The following CLGN variants were observed in gnomAD, a reference collection of about 807,000 sequenced individuals.
The protein encoded by CLGN is testis tissue sperm-binding protein Li 79P.
Under a neutral mutation model 79.1 loss-of-function variants are expected in CLGN, and 62 were observed. The observed-to-expected ratio is 0.78, with a 90% CI of 0.64 to 0.97. CLGN has a LOEUF of 0.97. Among genes scored for constraint, CLGN ranks in the 50% least tolerant of loss-of-function variants. CLGN has a pLI of 0.00. For missense variants in CLGN, 647 were observed against 715.5 expected, an observed-to-expected ratio of 0.90 and a Z score of 1.09; for synonymous variants, 225 against 224.7, an observed-to-expected ratio of 1.00 and a Z score of -0.01.
At chr4:140,411,130 C>G (rs549072855) in intron 2 of CLGN, among the ~76,000 whole-genome samples, 1 of 152,062 alleles carries the variant, frequency 6.6e-6, no homozygotes, top group African/African-American at 2.4e-5. Flanking sequence ...GTTTCAAGTG[C>G]CTTTGAAGTG....
intron 5 of CLGN, among the ~76,000 whole-genome samples, chr4:140,403,102 A>T: frequency 6.6e-6 from 1 of 152,178 alleles, no homozygotes; most frequent in African/African-American, 2.4e-5. Flanking sequence ...GAAAGGGGTG[A>T]TTTTCTCCTA....
intron 5 of CLGN, among the ~76,000 whole-genome samples, chr4:140,405,583 T>A (rs1463939116): frequency 6.6e-6 from 1 of 152,232 alleles, no homozygotes; most frequent in Admixed American, 6.5e-5. Context: ...ATATATCACA[T>A]AATTTTTAAA....
At chr4:140,403,239 G>A (rs1244476497) in intron 5 of CLGN, among the ~76,000 whole-genome samples, 5 of 152,022 alleles carry the variant, frequency 3.3e-5, no homozygotes, top group Non-Finnish European at 7.4e-5. Flanking sequence ...CTTGGGTAAC[G>A]GCAAGTCATT....
intron 12 of CLGN, 63 bp downstream of exon 12, chr4:140,392,523 A>T: frequency 6.5e-7 from 1 of 1,529,336 alleles, no homozygotes. Context: ...CGCTTAATTT[A>T]TAGAACTCTT....
chr4:140,389,198 G>A lies in CLGN; in HGVS notation c.*26C>T, dbSNP rs777899259. The A allele has an allele frequency of 7.1e-5, 113 of 1,587,644 alleles. No homozygotes were observed. Among genetic ancestry groups the A allele is most frequent in the South Asian group, 2.8e-4 (25 of 90,324 alleles). Reference sequence around the variant, plus strand: ...TTTTACAATGCCAAACATCCCTCTCGGGAATTAAAAATATTTCAATCTAGT... The same window carrying A: ...TTTTACAATGCCAAACATCCCTCTCAGGAATTAAAAATATTTCAATCTAGT... On this transcript the variant is annotated 3_prime_UTR_variant, in exon 15 of 15. Transcript: ENST00000325617.
chr4:140,422,824 G>A lies in CLGN; in HGVS notation c.-10+4713C>T, dbSNP rs146771281. 9.2e-5 allele frequency among the ~76,000 whole-genome samples: 14 copies of A among 152,064 alleles called. No individual in the cohort carries two copies. In the East Asian group the frequency reaches 1.2e-3, roughly 13 times the overall value. ...GTAGAGATGGTTTTTGCCATGTTGC[G>A]CAGGCTGGTCTTAAACTCCTAGACT... is the stretch of plus-strand genomic sequence containing the variant. On this transcript the variant is annotated intron_variant, in intron 1 of 14. Transcript: ENST00000325617.
intron 5 of CLGN, among the ~76,000 whole-genome samples, chr4:140,405,166 TTTTTTTATTTTTA>T (rs1206955497): frequency 1.2e-5 from 1 of 80,648 alleles, no homozygotes; most frequent in African/African-American, 3.5e-5. Flanking sequence ...AACAAGTAAT[TTTTTTTATTTTTA>T]TTTTTTTTTT....
At chr4:140,420,376 A>G (rs537124005) in intron 1 of CLGN, among the ~76,000 whole-genome samples, 2 of 152,140 alleles carry the variant, frequency 1.3e-5, no homozygotes, top group African/African-American at 2.4e-5. Flanking sequence ...TTAAAATTCT[A>G]TGATCTTATA....
chr4:140,423,768 A>C (rs2126636223), intron 1 of CLGN, among the ~76,000 whole-genome samples: 1 of 152,270 alleles, frequency 6.6e-6, no homozygotes, highest in East Asian at 1.9e-4. Flanking sequence ...TGTGTTTCTA[A>C]GAATGTATCC....
In CLGN at chr4:140,400,550, CT is replaced by C. The variant is rs1252716010; in HGVS notation, c.502-2del. 2 of 1,575,346 alleles carry C rather than the reference CT, an allele frequency of 1.3e-6. No individual in the cohort carries two copies. The highest frequency in any genetic ancestry group is 1.8e-5 in the Admixed American group (1 of 56,224). Reference sequence around the variant, plus strand: ...AGGATGTTTTATCATAAAAGTTTTCCTTCAAAGAGAGATGAGTGTTGGCATT... The same window carrying C: ...AGGATGTTTTATCATAAAAGTTTTCCTCAAAGAGAGATGAGTGTTGGCATT... On this transcript the variant is annotated splice_acceptor_variant, in intron 6 of 14. Coordinates refer to ENST00000325617, the MANE Select transcript of CLGN (RefSeq NM_004362.3). LOFTEE classifies it high-confidence loss of function.
intron 4 of CLGN, among the ~76,000 whole-genome samples, chr4:140,407,698 T>C (rs1171382901): frequency 6.6e-6 from 1 of 150,786 alleles, no homozygotes; most frequent in Non-Finnish European, 1.5e-5. Context: ...CACAAACAAA[T>C]GGAAACACAT....
intron 5 of CLGN, among the ~76,000 whole-genome samples, chr4:140,404,378 G>C (rs358301): frequency 0.076 from 11,547 of 152,158 alleles, 617 homozygotes; most frequent in African/African-American, 0.15. Context: ...CAGGTGTGAA[G>C]CACTGCGCCA....
At chr4:140,401,542 A>T (rs1347985141) in intron 6 of CLGN, among the ~76,000 whole-genome samples, 3 of 152,196 alleles carry the variant, frequency 2.0e-5, no homozygotes, top group Non-Finnish European at 4.4e-5. Flanking sequence ...TTAGAAGTAT[A>T]AACCTATTTC....
chr4:140,396,355 A>G, intron 8 of CLGN, 150 bp from the exon 9 acceptor site: 1 of 700,380 alleles, frequency 1.4e-6, no homozygotes, highest in Non-Finnish European at 2.4e-6. Context: ...TCTTTTGCTA[A>G]CTTGCCAATT....
chr4:140,389,901 A>G (rs1350172404), intron 14 of CLGN, among the ~76,000 whole-genome samples: 2 of 151,880 alleles, frequency 1.3e-5, no homozygotes, highest in Non-Finnish European at 3.0e-5. Flanking sequence ...CTGTACTTTT[A>G]TCCTACCTAC....
intron 5 of CLGN, among the ~76,000 whole-genome samples, chr4:140,402,753 C>T (rs1729023165): frequency 6.6e-6 from 1 of 151,914 alleles, no homozygotes; most frequent in African/African-American, 2.4e-5. Context: ...AGGAAATAGC[C>T]TTGCTATGGC....
chr4:140,419,831 A>G (rs376101141), intron 1 of CLGN, among the ~76,000 whole-genome samples: 1 of 152,174 alleles, frequency 6.6e-6, no homozygotes, highest in Non-Finnish European at 1.5e-5. Flanking sequence ...AAAGGGATCA[A>G]TTTGACACAA....
At chr4:140,398,136 G>A (rs1048275874) in intron 8 of CLGN, among the ~76,000 whole-genome samples, 7 of 152,080 alleles carry the variant, frequency 4.6e-5, no homozygotes, top group African/African-American at 1.7e-4. Context: ...TGAGTGCTCA[G>A]AGTAACCAAA....
chr4:140,409,517 G>A (rs1201263702), intron 4 of CLGN, among the ~76,000 whole-genome samples: 1 of 151,992 alleles, frequency 6.6e-6, no homozygotes, highest in Non-Finnish European at 1.5e-5. Flanking sequence ...ATCAAGGTGT[G>A]TCTATGCTTG....
Sources: allele counts gnomAD v4.1 joint callset (sites outside exome capture counted in the v4.1 genomes callset), GRCh38; gene constraint gnomAD v4.1.1; transcripts MANE v1.5; gene names NCBI Gene and HGNC (gene_info 2026-07-23, HGNC 2026-07-21).